BMX: variants seen among roughly 807,000 people sequenced by gnomAD.
The protein encoded by BMX is BMX non-receptor tyrosine kinase.
A neutral mutation model predicts 59.2 loss-of-function variants in BMX; 31 were observed. The observed-to-expected ratio is 0.52, with a 90% CI of 0.39 to 0.71. The LOEUF (loss-of-function observed/expected upper bound fraction) is 0.71. Among genes scored for constraint, BMX ranks in the 30% least tolerant of loss-of-function variants. BMX has a pLI of 0.00. For missense variants in BMX, 474 were observed against 491.7 expected, an observed-to-expected ratio of 0.96 and a Z score of 0.34; for synonymous variants, 185 against 181.0, an observed-to-expected ratio of 1.02 and a Z score of -0.18.
chrX:15,513,834 T>C (rs775286874), intron 4 of BMX, among the ~76,000 whole-genome samples: 14 of 111,923 alleles, frequency 1.3e-4, no homozygotes, highest in African/African-American at 4.2e-4. Flanking sequence ...CTGCTATTTA[T>C]TAAGCTTGTG....
chrX:15,525,230 T>G (rs779905811), intron 7 of BMX, 58 bp from the exon 8 acceptor site: 1 of 1,069,035 alleles, frequency 9.4e-7, no homozygotes, highest in South Asian at 2.2e-5. Context: ...ACTTTTGTCA[T>G]TTAAAATTTA....
chrX:15,544,210 T>C (rs1375033826), intron 16 of BMX, among the ~76,000 whole-genome samples: 3 of 111,493 alleles, frequency 2.7e-5, no homozygotes, highest in African/African-American at 3.3e-5. Flanking sequence ...TCTGTTTTTT[T>C]AATGTCTTCT....
intron 1 of BMX, chrX:15,507,512 A>C: frequency 5.6e-6 from 2 of 355,493 alleles, no homozygotes; most frequent in Non-Finnish European, 7.3e-6. Context: ...AACATAAGAA[A>C]GTTTGTTTCT....
At chrX:15,510,669 C>T (rs1404329347) in intron 3 of BMX, among the ~76,000 whole-genome samples, 1 of 111,891 alleles carries the variant, frequency 8.9e-6, no homozygotes, top group Non-Finnish European at 1.9e-5. Flanking sequence ...ACCACTTATA[C>T]TTGTGCAACT....
chrX:15,539,748 G>A (rs1925561910), intron 14 of BMX, among the ~76,000 whole-genome samples: 1 of 112,102 alleles, frequency 8.9e-6, no homozygotes, highest in South Asian at 3.7e-4. Flanking sequence ...AATCATATAA[G>A]AACAAGTTAA....
chrX:15,525,582 C>T (rs1181469244), intron 8 of BMX, among the ~76,000 whole-genome samples: 1 of 111,802 alleles, frequency 8.9e-6, no homozygotes, highest in Non-Finnish European at 1.9e-5. Flanking sequence ...ATGACATACA[C>T]CAGTAGTAGC....
chrX:15,550,032 T>C, intron 18 of BMX, 35 bp downstream of exon 18: 2 of 1,179,176 alleles, frequency 1.7e-6, no homozygotes, highest in Non-Finnish European at 2.3e-6. Context: ...GGAAGGGGTC[T>C]CAGGCACATC....
At chrX:15,524,569 G>T (rs1924619622) in intron 7 of BMX, among the ~76,000 whole-genome samples, 1 of 112,195 alleles carries the variant, frequency 8.9e-6, no homozygotes, top group African/African-American at 3.2e-5. Context: ...AGTGGGCAAG[G>T]CTCTTTGGGA....
rs76937896 is a variant in BMX, at chrX:15,518,541, C to T, written c.510+548C>T. Among the ~76,000 whole-genome samples, 17 of 111,786 alleles carry T rather than the reference C, an allele frequency of 1.5e-4. No homozygotes were observed. The East Asian group carries it at 4.8e-3, about 31-fold the overall frequency. On this transcript the variant is annotated intron_variant, in intron 6 of 18. Transcript: ENST00000348343. ...GTCATTCTCAAATGATAAAAATGTC[C>T]CCATTACTTGTAATCATAAGAACAG...
In BMX at chrX:15,525,204, A is replaced by G. The variant is rs781463402; in HGVS notation, c.753-84A>G. The G allele has an allele frequency of 1.5e-5, 14 of 932,295 alleles. No homozygotes were observed. In the South Asian group the frequency reaches 3.4e-4, roughly 23 times the overall value. 76.8% of individuals were successfully genotyped at this position (932,295 alleles called of 1,213,427 possible). A position where few individuals can be genotyped will look rare whatever the true frequency, so the allele number is the denominator to read the frequency against. ...TCAAAATGTCAAATAAAGCTAAAAC[A>G]TATCTGAACAAAATTACTTTTGTCA... On this transcript the variant is annotated intron_variant, in intron 7 of 18. Transcript: ENST00000348343.
chrX:15,548,136 T>C (rs1403902031), intron 17 of BMX, among the ~76,000 whole-genome samples: 1 of 112,252 alleles, frequency 8.9e-6, no homozygotes, highest in Non-Finnish European at 1.9e-5. Flanking sequence ...CATGTTGTAC[T>C]GATTAACTTT....
chrX:15,522,405 T>G lies in BMX; in HGVS notation c.570T>G (p.Thr190=). The G allele has an allele frequency of 1.7e-6, 2 of 1,211,998 alleles. No homozygotes were observed. Among genetic ancestry groups the G allele is most frequent in the Non-Finnish European group, 2.2e-6 (2 of 895,488 alleles). Residue 190 remains threonine, a synonymous_variant, in exon 7 of 19, where the codon ACT becomes ACG. Coordinates refer to ENST00000348343, the MANE Select transcript of BMX (RefSeq NM_203281.3). Reference sequence around the variant, plus strand: ...TGGATGCACCATCTTCAAGTACCACTCTAGCCCAATATGACAACGAATCAA... The same window carrying G: ...TGGATGCACCATCTTCAAGTACCACGCTAGCCCAATATGACAACGAATCAA... ...LKMDAPSSST[T]LAQYDNESKK... is the part of the protein sequence containing the mutation.
intron 3 of BMX, 26 bp downstream of exon 3, chrX:15,509,459 G>A: frequency 9.7e-7 from 1 of 1,025,771 alleles, no homozygotes; most frequent in Non-Finnish European, 1.3e-6. Context: ...ACATTGCATT[G>A]GGTGGATAGT....
At position 15,511,483 on chromosome X, in the gene BMX, A is replaced by G; in HGVS notation, c.290A>G (p.Glu97Gly). 8.3e-7 allele frequency: 1 copy of G among 1,207,043 alleles called. No individual in the cohort carries two copies. The highest frequency in any genetic ancestry group is 1.1e-6 in the Non-Finnish European group (1 of 892,894). Residue 97 changes from glutamate to glycine, a missense_variant, in exon 4 of 19, where the codon GAG becomes GGG. Glu to Gly is a moderately conservative substitution (Grantham distance 98). Coordinates refer to ENST00000348343, the MANE Select transcript of BMX (RefSeq NM_203281.3). ...GLLYVYASNEESRSQWLKALQ... is the reference protein window; with the variant it reads ...GLLYVYASNEGSRSQWLKALQ... ...CTCTATGTCTATGCATCAAATGAAG[A>G]GAGCCGAAGTCAGTGGTTGAAAGCA... is the stretch of plus-strand genomic sequence containing the variant.
chrX:15,532,067 C>T (rs1456509175), intron 11 of BMX, among the ~76,000 whole-genome samples: 1 of 111,930 alleles, frequency 8.9e-6, no homozygotes, highest in Non-Finnish European at 1.9e-5. Flanking sequence ...ATGATTGTTA[C>T]GTTCTATGAG....
intron 11 of BMX, among the ~76,000 whole-genome samples, chrX:15,533,574 A>T: frequency 8.9e-6 from 1 of 112,654 alleles, no homozygotes; most frequent in Non-Finnish European, 1.9e-5. Flanking sequence ...GTTCTTGACC[A>T]CTATGTCATT....
chrX:15,537,085 C>T, intron 13 of BMX, 49 bp from the exon 14 acceptor site: 1 of 1,190,129 alleles, frequency 8.4e-7, no homozygotes. Flanking sequence ...GCTGTTAGCC[C>T]CAAAGCTTTC....
intron 7 of BMX, among the ~76,000 whole-genome samples, chrX:15,522,959 C>T (rs752562968): frequency 1.8e-5 from 2 of 112,173 alleles, no homozygotes; most frequent in Non-Finnish European, 3.8e-5. Flanking sequence ...AGCCAAATGG[C>T]AAATAGCATT....
At chrX:15,516,511 T>C (rs1294860459) in intron 5 of BMX, among the ~76,000 whole-genome samples, 1 of 112,008 alleles carries the variant, frequency 8.9e-6, no homozygotes, top group Non-Finnish European at 1.9e-5. Context: ...AATGAGCTGT[T>C]ATTTCCTCCC....
Sources: gnomAD v4.1 joint callset for allele counts (sites outside exome capture counted in the v4.1 genomes callset) on GRCh38, gnomAD v4.1.1 for gene constraint, MANE v1.5 for transcripts, NCBI Gene and HGNC (gene_info 2026-07-23, HGNC 2026-07-21) for gene names.